The following GRIK1 variants were observed in gnomAD, a reference collection of about 807,000 sequenced individuals.
The protein encoded by GRIK1 is glutamate ionotropic receptor kainate type subunit 1.
GRIK1 carries 69 observed loss-of-function variants against 105.7 expected under a neutral mutation model. That is an observed-to-expected ratio of 0.65 (90% CI 0.54 to 0.80). GRIK1 has a LOEUF of 0.80. Among genes scored for constraint, GRIK1 ranks in the 30% least tolerant of loss-of-function variants. GRIK1 has a pLI of 0.00. For synonymous variants in GRIK1, 438 were observed against 431.3 expected (o/e 1.02, Z -0.19); for missense variants, 1,109 against 1,167.3 (o/e 0.95, Z 0.73).
At chr21:29,859,360 A>G (rs925245307) in intron 1 of GRIK1, among the ~76,000 whole-genome samples, 3 of 151,578 alleles carry the variant, frequency 2.0e-5, no homozygotes, top group Non-Finnish European at 2.9e-5. Context: ...TTAAAGTATA[A>G]TAAAAAAGTA....
chr21:29,688,881 G>C (rs765402895), intron 3 of GRIK1, among the ~76,000 whole-genome samples: 23 of 152,112 alleles, frequency 1.5e-4, no homozygotes, highest in Non-Finnish European at 2.6e-4. Context: ...AGAACATGGG[G>C]ATATTGAAGA....
At chr21:29,898,980 A>T (rs1462342546) in intron 1 of GRIK1, among the ~76,000 whole-genome samples, 10 of 152,178 alleles carry the variant, frequency 6.6e-5, no homozygotes, top group Non-Finnish European at 1.5e-4. Flanking sequence ...CTCAAAAAAA[A>T]AAAATTGTGA....
At chr21:29,599,178 A>G (rs960772487) in intron 7 of GRIK1, among the ~76,000 whole-genome samples, 1 of 152,212 alleles carries the variant, frequency 6.6e-6, no homozygotes, top group Non-Finnish European at 1.5e-5. Context: ...GTGGCTACCT[A>G]AATGGACAGT....
chr21:29,913,846 A>G (rs1489210835), intron 1 of GRIK1, among the ~76,000 whole-genome samples: 1 of 151,858 alleles, frequency 6.6e-6, no homozygotes, highest in Non-Finnish European at 1.5e-5. Flanking sequence ...CAAGTTACAC[A>G]TATACATAAA....
At chr21:29,659,470 T>A (rs1014100902) in intron 4 of GRIK1, among the ~76,000 whole-genome samples, 8 of 152,332 alleles carry the variant, frequency 5.3e-5, no homozygotes, top group African/African-American at 1.9e-4. Context: ...TGCATACTTA[T>A]GAAATTCCAT....
chr21:29,884,260 C>T lies in GRIK1; in HGVS notation c.118+55123G>A, dbSNP rs2069526769. On this transcript the variant is annotated intron_variant, in intron 1 of 17. Coordinates refer to ENST00000327783, the MANE Select transcript of GRIK1 (RefSeq NM_001330994.2). ...GCCAGATGCCAAGATATGGTCTAAT[C>T]TTCTAAATATATACATTTGTCCATT... Among the ~76,000 whole-genome samples the T allele has an allele frequency of 2.0e-5, 3 of 151,990 alleles. No individual in the cohort carries two copies. In the South Asian group the frequency reaches 6.2e-4, roughly 31 times the overall value.
At chr21:29,799,937 G>T (rs1286857131) in intron 1 of GRIK1, among the ~76,000 whole-genome samples, 1 of 152,238 alleles carries the variant, frequency 6.6e-6, no homozygotes, top group African/African-American at 2.4e-5. Context: ...CTACAGTAAA[G>T]TGTGAATGAA....
At chr21:29,548,975 A>G (rs2090087850) in intron 16 of GRIK1, among the ~76,000 whole-genome samples, 1 of 152,204 alleles carries the variant, frequency 6.6e-6, no homozygotes, top group Non-Finnish European at 1.5e-5. Flanking sequence ...TTATTAGGAA[A>G]CAAATTGGAC....
intron 1 of GRIK1, among the ~76,000 whole-genome samples, chr21:29,816,709 A>T (rs1320116953): frequency 1.3e-5 from 2 of 152,150 alleles, no homozygotes; most frequent in African/African-American, 4.8e-5. Flanking sequence ...CAAACATTGC[A>T]TGTTCTCACT....
chr21:29,867,926 AAGAGAGAGAAAG>A (rs1190311609), intron 1 of GRIK1, among the ~76,000 whole-genome samples: 81 of 126,052 alleles, frequency 6.4e-4, no homozygotes, highest in East Asian at 1.4e-3. Context: ...GAAAGAGAGA[AAGAGAGAGAAAG>A]AGAGAGAGAA....
chr21:29,731,154 T>G (rs1303282563), intron 1 of GRIK1, among the ~76,000 whole-genome samples: 1 of 152,216 alleles, frequency 6.6e-6, no homozygotes, highest in Admixed American at 6.5e-5. Context: ...CCTTGTTTGA[T>G]GAGAGGAATG....
intron 1 of GRIK1, among the ~76,000 whole-genome samples, chr21:29,719,252 T>C (rs2064260352): frequency 6.6e-6 from 1 of 151,706 alleles, no homozygotes; most frequent in South Asian, 2.1e-4. Context: ...AAAAATACTT[T>C]TATCTAGATG....
intron 5 of GRIK1, among the ~76,000 whole-genome samples, chr21:29,653,988 A>T (rs1056482399): frequency 6.6e-6 from 1 of 152,146 alleles, no homozygotes; most frequent in African/African-American, 2.4e-5. Flanking sequence ...TCCCCTACTC[A>T]CTAGCTTGTC....
chr21:29,921,055 G>T (rs2146324827), intron 1 of GRIK1, among the ~76,000 whole-genome samples: 1 of 152,212 alleles, frequency 6.6e-6, no homozygotes, highest in East Asian at 1.9e-4. Context: ...TTCTGGGCTG[G>T]TTAGTTCCCT....
rs554671200 is a variant in GRIK1 at position 29,607,679 on chromosome 21, C to A, written c.1099-8742G>T. 4.6e-5 allele frequency among the ~76,000 whole-genome samples: 7 copies of A among 152,174 alleles called. No individual in the cohort carries two copies. The East Asian group carries it at 1.4e-3, about 29-fold the overall frequency. On this transcript the variant is annotated intron_variant, in intron 7 of 17. Transcript: ENST00000327783. ...AATTAGCTTAAATAGCATTACATAT[C>A]TCTCCCTTAATATTATCACTCTGAA...
At chr21:29,818,538 T>C (rs530263893) in intron 1 of GRIK1, among the ~76,000 whole-genome samples, 4 of 152,198 alleles carry the variant, frequency 2.6e-5, no homozygotes, top group African/African-American at 9.6e-5. Context: ...AAACCCTACT[T>C]GAGTCCCACC....
intron 16 of GRIK1, chr21:29,553,289 A>T: frequency 9.4e-7 from 1 of 1,062,886 alleles, no homozygotes; most frequent in African/African-American, 1.7e-5. Context: ...GCATGAAGAT[A>T]GAACTAAGAT....
At chr21:29,594,801 A>G (rs1281995493) in intron 9 of GRIK1, among the ~76,000 whole-genome samples, 1 of 152,198 alleles carries the variant, frequency 6.6e-6, no homozygotes, top group Non-Finnish European at 1.5e-5. Flanking sequence ...AGATAAAGGT[A>G]TATGTGTTTC....
chr21:29,801,968 G>T (rs903573052), intron 1 of GRIK1, among the ~76,000 whole-genome samples: 3 of 152,056 alleles, frequency 2.0e-5, no homozygotes, highest in Admixed American at 2.0e-4. Flanking sequence ...GCTGGGAGAT[G>T]GAAATTCAGA....
Sources: gnomAD v4.1 joint callset for allele counts (sites outside exome capture counted in the v4.1 genomes callset) on GRCh38, gnomAD v4.1.1 for gene constraint, MANE v1.5 for transcripts, NCBI Gene and HGNC (gene_info 2026-07-23, HGNC 2026-07-21) for gene names.